TEC: variants seen among roughly 807,000 people sequenced by gnomAD.
The protein encoded by TEC is tyrosine-protein kinase Tec.
TEC carries 72 observed loss-of-function variants against 93.0 expected under a neutral mutation model. The ratio of observed to expected loss-of-function variants is 0.77; its 90% CI spans 0.64 to 0.94. TEC has a LOEUF of 0.94. Ranked by LOEUF, TEC falls within the 40% of genes least tolerant of loss-of-function variation. The pLI is 0.00. For synonymous variants in TEC, 249 were observed against 247.7 expected, an observed-to-expected ratio of 1.01 and a Z score of -0.05; for missense variants, 630 against 757.9, an observed-to-expected ratio of 0.83 and a Z score of 1.98.
chr4:48,217,806 G>A (rs934690357), intron 2 of TEC, among the ~76,000 whole-genome samples: 3 of 151,660 alleles, frequency 2.0e-5, no homozygotes, highest in African/African-American at 2.4e-5. Context: ...AATGTGCTCT[G>A]GATCTCCAGA....
At chr4:48,221,883 G>C (rs1274068153) in intron 2 of TEC, among the ~76,000 whole-genome samples, 1 of 152,048 alleles carries the variant, frequency 6.6e-6, no homozygotes, top group Non-Finnish European at 1.5e-5. Flanking sequence ...CGGCTGAAAG[G>C]GGCTTGCCAA....
chr4:48,266,426 G>A (rs1272741507), intron 1 of TEC, among the ~76,000 whole-genome samples: 3 of 152,216 alleles, frequency 2.0e-5, no homozygotes, highest in East Asian at 1.9e-4. Flanking sequence ...TGAGGAAAAC[G>A]AAATTGACAA....
chr4:48,146,303 G>A (rs772932849), intron 12 of TEC, 22 bp downstream of exon 12: 19 of 1,609,482 alleles, frequency 1.2e-5, no homozygotes, highest in Non-Finnish European at 1.6e-5. Context: ...ATTAGCTCAT[G>A]CAACCACAAA....
intron 4 of TEC, among the ~76,000 whole-genome samples, chr4:48,170,694 C>A (rs1445418218): frequency 6.6e-6 from 1 of 152,132 alleles, no homozygotes; most frequent in South Asian, 2.1e-4. Context: ...CCATTTAAAC[C>A]CTTCATGAAT....
chr4:48,183,119 G>C (rs1696207635), intron 2 of TEC, among the ~76,000 whole-genome samples: 1 of 152,186 alleles, frequency 6.6e-6, no homozygotes, highest in Admixed American at 6.5e-5. Context: ...AGGAGCATGA[G>C]CTTTGGAGAC....
chr4:48,238,702 A>ATG (rs1262967872), intron 1 of TEC, among the ~76,000 whole-genome samples: 3 of 116,756 alleles, frequency 2.6e-5, no homozygotes, highest in South Asian at 2.4e-4. Flanking sequence ...ATATAAATTT[A>ATG]TATATTTATA....
At chr4:48,149,420 A>T in intron 11 of TEC, 137 bp downstream of exon 11, 1 of 841,318 alleles carries the variant, frequency 1.2e-6, no homozygotes, top group Non-Finnish European at 1.7e-6. Context: ...TCATTCCTTT[A>T]ATATGCAGTA....
intron 1 of TEC, among the ~76,000 whole-genome samples, chr4:48,239,285 T>C (rs988991936): frequency 2.0e-5 from 3 of 152,196 alleles, no homozygotes; most frequent in Non-Finnish European, 4.4e-5. Context: ...GTTCTAAATA[T>C]GAGGTAAACA....
Position 48,168,579 on chromosome 4 carries a change from C to T in TEC, c.495+7G>A, listed in dbSNP as rs375688453. On this transcript the variant is annotated splice_region_variant and intron_variant, in intron 6 of 17. Coordinates refer to ENST00000381501, the MANE Select transcript of TEC (RefSeq NM_003215.3). Reference sequence around the variant, plus strand: ...AGATTAACTATCAAAAGCTAAAGACCACCTACCTTCTTTGTTTCTGGTGCT... The same window carrying T: ...AGATTAACTATCAAAAGCTAAAGACTACCTACCTTCTTTGTTTCTGGTGCT... The T allele has an allele frequency of 2.5e-6, 4 of 1,609,264 alleles. No homozygotes were observed. In the African/African-American group the frequency reaches 5.4e-5, roughly 22 times the overall value.
At chr4:48,262,889 T>C (rs1317296106) in intron 1 of TEC, among the ~76,000 whole-genome samples, 1 of 152,232 alleles carries the variant, frequency 6.6e-6, no homozygotes, top group Non-Finnish European at 1.5e-5. Flanking sequence ...TGCCAATGCA[T>C]AGCTGCCATC....
At chr4:48,261,720 ACATGAC>A (rs1409510892) in intron 1 of TEC, among the ~76,000 whole-genome samples, 2 of 152,204 alleles carry the variant, frequency 1.3e-5, no homozygotes, top group African/African-American at 4.8e-5. Flanking sequence ...CTCATATAGT[ACATGAC>A]AAGTTAAAGT....
intron 1 of TEC, among the ~76,000 whole-genome samples, chr4:48,266,220 G>C (rs1724635459): frequency 6.6e-6 from 1 of 152,200 alleles, no homozygotes; most frequent in Non-Finnish European, 1.5e-5. Context: ...TTTAGGATGG[G>C]CTCTACCAAA....
intron 1 of TEC, among the ~76,000 whole-genome samples, chr4:48,230,599 C>T (rs1269714235): frequency 6.6e-6 from 1 of 152,198 alleles, no homozygotes; most frequent in Non-Finnish European, 1.5e-5. Flanking sequence ...TTGGATCAAT[C>T]TTCAAAGATT....
At chr4:48,167,468 T>A (rs1295006794) in intron 7 of TEC, among the ~76,000 whole-genome samples, 1 of 152,152 alleles carries the variant, frequency 6.6e-6, no homozygotes, top group Non-Finnish European at 1.5e-5. Flanking sequence ...CTAAGATTAC[T>A]TACTTATGGC....
chr4:48,206,395 T>C (rs544509982), intron 2 of TEC, among the ~76,000 whole-genome samples: 45 of 152,302 alleles, frequency 3.0e-4, no homozygotes, highest in Middle Eastern at 6.8e-3. Context: ...AGCCACAAAG[T>C]ACAAAGCACA....
chr4:48,256,426 AT>A lies in TEC; in HGVS notation c.-46+13325del, dbSNP rs111370904. On this transcript the variant is annotated intron_variant, in intron 1 of 17. Transcript: ENST00000381501. ...TGACAAAACCCTGTCTCTACAAAAA[AT>A]TTAAAAAAAAAAAAAATTAGCCAGG... is the stretch of plus-strand genomic sequence containing the variant. Among the ~76,000 whole-genome samples the A allele has an allele frequency of 3.1e-3, 452 of 146,460 alleles. 1 individual carries two copies. Among genetic ancestry groups the A allele is most frequent in the Middle Eastern group, 7.2e-3 (2 of 276 alleles).
intron 1 of TEC, among the ~76,000 whole-genome samples, chr4:48,237,226 A>G (rs1723809408): frequency 1.3e-5 from 2 of 151,860 alleles, no homozygotes; most frequent in Admixed American, 6.6e-5. Context: ...AGGCTAAGGC[A>G]TGCAAATAGC....
rs1423562153 is a variant in TEC, at chr4:48,150,821, C to T, written c.872+42G>A. ...ATATAAACTACATAGGAAGTTCATA[C>T]AAAAACTCTAAATTATAAAAAAAAA... On this transcript the variant is annotated intron_variant, in intron 10 of 17. Transcript: ENST00000381501. The T allele has an allele frequency of 1.5e-5, 21 of 1,407,416 alleles. No individual in the cohort carries two copies. The Admixed American group carries it at 5.2e-4, about 35-fold the overall frequency. The allele number at this position is 1,407,416 out of a possible 1,614,324, so 87.2% of individuals were successfully genotyped here. A position where few individuals can be genotyped will look rare whatever the true frequency, so the allele number is the denominator to read the frequency against.
At chr4:48,208,009 C>T (rs1249829670) in intron 2 of TEC, among the ~76,000 whole-genome samples, 1 of 152,120 alleles carries the variant, frequency 6.6e-6, no homozygotes, top group South Asian at 2.1e-4. Flanking sequence ...CCCACACCTA[C>T]CGATGAGGAC....
Sources: allele counts gnomAD v4.1 joint callset (sites outside exome capture counted in the v4.1 genomes callset), GRCh38; gene constraint gnomAD v4.1.1; transcripts MANE v1.5; gene names NCBI Gene and HGNC (gene_info 2026-07-23, HGNC 2026-07-21).